Variants in LRRC4C observed in about 807,000 individuals in gnomAD.
LRRC4C encodes leucine rich repeat containing 4C.
In LRRC4C, 5 loss-of-function variants were observed where a neutral mutation model predicts 33.6. The ratio of observed to expected loss-of-function variants is 0.15; its 90% CI spans 0.08 to 0.31. The LOEUF is 0.31. Ranked by LOEUF, LRRC4C falls within the 10% of genes least tolerant of loss-of-function variation. The pLI is 1.00. For missense variants in LRRC4C, 560 were observed against 796.7 expected (o/e 0.70, Z 3.58); for synonymous variants, 329 against 302.0 (o/e 1.09, Z -0.93).
chr11:41,315,875 T>C (rs1039753090), intron 1 of LRRC4C, among the ~76,000 whole-genome samples: 3 of 152,184 alleles, frequency 2.0e-5, no homozygotes, highest in African/African-American at 4.8e-5. Context: ...AATAAATAGA[T>C]GTACAAAGGA....
chr11:40,235,608 A>T (rs1865499646), intron 5 of LRRC4C, among the ~76,000 whole-genome samples: 1 of 152,204 alleles, frequency 6.6e-6, no homozygotes, highest in Admixed American at 6.5e-5. Context: ...GTTATAAATA[A>T]GATACAAGTC....
chr11:41,146,379 T>C (rs570831733), intron 1 of LRRC4C, among the ~76,000 whole-genome samples: 20 of 152,340 alleles, frequency 1.3e-4, no homozygotes, highest in Non-Finnish European at 2.5e-4. Context: ...TTCCCTCTCA[T>C]TGCAGGCAAC....
chr11:40,462,870 T>C (rs58965071), intron 3 of LRRC4C, among the ~76,000 whole-genome samples: 6,132 of 152,018 alleles, frequency 0.04, 397 homozygotes, highest in African/African-American at 0.14. Flanking sequence ...CTAAAGAACC[T>C]AAATGGATGG....
chr11:41,036,364 C>T (rs1314124364), intron 1 of LRRC4C, among the ~76,000 whole-genome samples: 1 of 152,118 alleles, frequency 6.6e-6, no homozygotes, highest in East Asian at 1.9e-4. Context: ...CCAAAGGGAA[C>T]AGAATTTCTG....
chr11:41,154,557 T>A (rs1944142086), intron 1 of LRRC4C, among the ~76,000 whole-genome samples: 1 of 152,134 alleles, frequency 6.6e-6, no homozygotes, highest in Admixed American at 6.6e-5. Flanking sequence ...TTCAATAAAG[T>A]TTTTCAAAGA....
intron 3 of LRRC4C, among the ~76,000 whole-genome samples, chr11:40,422,956 A>T (rs10837406): frequency 0.36 from 54,985 of 151,964 alleles, 10,578 homozygotes; most frequent in South Asian, 0.47. Context: ...TTAAATAAAT[A>T]GTGTTAAAAA....
intron 5 of LRRC4C, among the ~76,000 whole-genome samples, chr11:40,168,929 T>C (rs140829369): frequency 3.2e-4 from 49 of 152,326 alleles, no homozygotes; most frequent in Admixed American, 1.4e-3. Context: ...CCTTCATGTT[T>C]CCTCTTATAA....
intron 2 of LRRC4C, among the ~76,000 whole-genome samples, chr11:40,689,576 C>T (rs548440246): frequency 6.6e-6 from 1 of 152,070 alleles, no homozygotes; most frequent in Non-Finnish European, 1.5e-5. Flanking sequence ...ATTGATTTAT[C>T]CATTTTCCGA....
chr11:41,053,334 C>T (rs1200558384), intron 1 of LRRC4C, among the ~76,000 whole-genome samples: 2 of 152,218 alleles, frequency 1.3e-5, no homozygotes, highest in Admixed American at 6.5e-5. Context: ...TGGCAAGGAA[C>T]TGAGACCGGC....
At chr11:40,206,792 G>A (rs1449095274) in intron 5 of LRRC4C, among the ~76,000 whole-genome samples, 2 of 137,896 alleles carry the variant, frequency 1.5e-5, no homozygotes, top group African/African-American at 4.9e-5. Flanking sequence ...AAGTGTTGGG[G>A]GTGGGGAAGG....
At chr11:40,586,733 G>T (rs9665909) in intron 3 of LRRC4C, among the ~76,000 whole-genome samples, 43,527 of 145,636 alleles carry the variant, frequency 0.3, 6,803 homozygotes, top group Middle Eastern at 0.36. Context: ...AAATAGGGAA[G>T]CCTTTCCCCA....
chr11:40,839,436 G>A (rs982386466), intron 2 of LRRC4C, among the ~76,000 whole-genome samples: 2 of 152,048 alleles, frequency 1.3e-5, no homozygotes, highest in Non-Finnish European at 2.9e-5. Context: ...AGTAGAGATG[G>A]GGTTTCACCA....
chr11:40,702,815 C>T (rs1248696415), intron 2 of LRRC4C, among the ~76,000 whole-genome samples: 3 of 152,036 alleles, frequency 2.0e-5, no homozygotes. Context: ...TGACGTCCTC[C>T]ATATGGAAGT....
At chr11:40,482,006 A>C (rs1953595264) in intron 3 of LRRC4C, among the ~76,000 whole-genome samples, 1 of 152,202 alleles carries the variant, frequency 6.6e-6, no homozygotes, top group African/African-American at 2.4e-5. Flanking sequence ...AAGATTAGAA[A>C]GTTCAAACAA....
At chr11:41,455,387 T>A (rs868260819) in intron 1 of LRRC4C, among the ~76,000 whole-genome samples, 1 of 152,100 alleles carries the variant, frequency 6.6e-6, no homozygotes, top group Non-Finnish European at 1.5e-5. Context: ...TTTCTATTTT[T>A]CATGAAACTA....
chr11:40,259,037 T>G (rs531872928), intron 4 of LRRC4C, among the ~76,000 whole-genome samples: 1 of 152,312 alleles, frequency 6.6e-6, no homozygotes, highest in African/African-American at 2.4e-5. Flanking sequence ...TTCATCTAAT[T>G]GTTATCCCTA....
intron 1 of LRRC4C, among the ~76,000 whole-genome samples, chr11:40,936,462 C>T (rs1449518669): frequency 1.3e-5 from 2 of 151,348 alleles, no homozygotes; most frequent in East Asian, 2.0e-4. Context: ...CTCAGCCTCC[C>T]GAGTACTGGG....
chr11:41,366,955 A>C (rs571327343), intron 1 of LRRC4C, among the ~76,000 whole-genome samples: 1 of 152,302 alleles, frequency 6.6e-6, no homozygotes, highest in African/African-American at 2.4e-5. Flanking sequence ...TTTAGGGATG[A>C]TGTTAATAGA....
intron 5 of LRRC4C, among the ~76,000 whole-genome samples, chr11:40,217,881 T>C (rs1467685990): frequency 1.3e-5 from 2 of 152,128 alleles, no homozygotes; most frequent in East Asian, 1.9e-4. Flanking sequence ...TGAAGTTTAA[T>C]TGAAAAAACT....
Sources: allele counts gnomAD v4.1 joint callset (sites outside exome capture counted in the v4.1 genomes callset), GRCh38; gene constraint gnomAD v4.1.1; transcripts MANE v1.5; gene names NCBI Gene and HGNC (gene_info 2026-07-23, HGNC 2026-07-21).